COL5A2: variants seen among roughly 807,000 people sequenced by gnomAD.
COL5A2 encodes the protein collagen type V alpha 2 chain.
Under a neutral mutation model 208.2 loss-of-function variants are expected in COL5A2, and 23 were observed. The ratio of observed to expected loss-of-function variants is 0.11; its 90% confidence interval spans 0.08 to 0.16. COL5A2 has a LOEUF of 0.16. Among genes scored for constraint, COL5A2 ranks in the 10% least tolerant of loss-of-function variants. The pLI, the probability that COL5A2 is intolerant of heterozygous loss-of-function variation, is 1.00. For synonymous variants in COL5A2, 625 were observed against 628.5 expected, an observed-to-expected ratio of 0.99 and a Z score of 0.08; for missense variants, 1,590 against 1,956.4, an observed-to-expected ratio of 0.81 and a Z score of 3.53.
chr2:189,036,126 T>C (rs1024639362), intron 52 of COL5A2, among the ~76,000 whole-genome samples: 1 of 152,148 alleles, frequency 6.6e-6, no homozygotes, highest in Non-Finnish European at 1.5e-5. Flanking sequence ...AAGAATTTTA[T>C]ATCCACATGG....
At chr2:189,358,305 G>T in the COL5A2 span, among the ~76,000 whole-genome samples, 5,536 of 152,154 alleles carry the variant, frequency 0.036, 116 homozygotes, top group Admixed American at 0.05. Context: ...AACTCTGATG[G>T]AGATGTAAAA....
At chr2:189,430,793 A>C in the COL5A2 span, among the ~76,000 whole-genome samples, 1 of 151,870 alleles carries the variant, frequency 6.6e-6, no homozygotes, top group Non-Finnish European at 1.5e-5. Context: ...CAACTTCTGC[A>C]ATCTGGCAGC....
the COL5A2 span, among the ~76,000 whole-genome samples, chr2:189,434,308 T>C: frequency 1.3e-5 from 2 of 152,148 alleles, no homozygotes; most frequent in Non-Finnish European, 2.9e-5. Flanking sequence ...CTATTCAACA[T>C]AGTGTTGGAA....
the COL5A2 span, among the ~76,000 whole-genome samples, chr2:189,368,705 G>T: frequency 6.6e-6 from 1 of 152,106 alleles, no homozygotes; most frequent in Admixed American, 6.6e-5. Context: ...CAACATAAAT[G>T]GTGAAAGGAA....
rs58380313 is a variant in COL5A2, at chr2:189,054,690, CTTT to C, written c.2392-481_2392-479del. 8.4e-4 allele frequency among the ~76,000 whole-genome samples: 95 copies of C among 113,562 alleles called. 1 individual carries two copies. Among genetic ancestry groups the C allele is most frequent in the East Asian group, 5.1e-4 (2 of 3,910 alleles). The allele number at this position is 113,562 out of a possible 152,430, so 74.5% of individuals were successfully genotyped here. A position where few individuals can be genotyped will look rare whatever the true frequency, so the allele number is the denominator to read the frequency against. The stretch of plus-strand genomic sequence containing the variant: ...GTTAAGGCATTTTAGGTGTTTTTTC[CTTT>C]TTTTTTTTTTTTTTTTTTGGCACAG... On this transcript the variant is annotated intron_variant, in intron 35 of 53. Coordinates refer to ENST00000374866, the MANE Select transcript of COL5A2 (RefSeq NM_000393.5).
At chr2:189,064,733 T>C (rs747410301) in intron 24 of COL5A2, 78 bp from the exon 25 acceptor site, 19 of 1,105,720 alleles carry the variant, frequency 1.7e-5, no homozygotes, top group Non-Finnish European at 2.4e-5. Context: ...ATTATCGTTT[T>C]ACAAATCAAG....
chr2:189,292,003 C>T, the COL5A2 span, among the ~76,000 whole-genome samples: 1 of 151,880 alleles, frequency 6.6e-6, no homozygotes, highest in African/African-American at 2.4e-5. Flanking sequence ...TAATTAACAC[C>T]CCAGAAGGAA....
At chr2:189,400,344 T>C in the COL5A2 span, among the ~76,000 whole-genome samples, 5 of 152,226 alleles carry the variant, frequency 3.3e-5, no homozygotes, top group Non-Finnish European at 7.3e-5. Context: ...ATATTTCTTA[T>C]ATTCTTTTCT....
the COL5A2 span, among the ~76,000 whole-genome samples, chr2:189,373,983 T>A: frequency 6.6e-6 from 1 of 152,296 alleles, no homozygotes; most frequent in African/African-American, 2.4e-5. Flanking sequence ...TGACTGTTGC[T>A]GTGAAAACAC....
chr2:189,252,504 C>T, the COL5A2 span, among the ~76,000 whole-genome samples: 5 of 151,988 alleles, frequency 3.3e-5, no homozygotes, highest in Non-Finnish European at 7.4e-5. Context: ...AGCAAACTAT[C>T]GCAAGGACAA....
At chr2:189,156,436 T>C (rs570794253) in intron 1 of COL5A2, among the ~76,000 whole-genome samples, 89 of 152,316 alleles carry the variant, frequency 5.8e-4, no homozygotes, top group Non-Finnish European at 1.0e-3. Context: ...CAAACTCATA[T>C]ATAAAATCAT....
At chr2:189,428,934 G>C in the COL5A2 span, among the ~76,000 whole-genome samples, 1 of 152,190 alleles carries the variant, frequency 6.6e-6, no homozygotes, top group African/African-American at 2.4e-5. Flanking sequence ...GTAGAATGGT[G>C]GTTACCAGAG....
At chr2:189,356,006 T>C in the COL5A2 span, among the ~76,000 whole-genome samples, 1 of 152,144 alleles carries the variant, frequency 6.6e-6, no homozygotes, top group Non-Finnish European at 1.5e-5. Context: ...TGCTTGTGGG[T>C]AAGGGATTTT....
At chr2:189,205,137 T>C (rs535719854) in intron 1 of COL5A2, among the ~76,000 whole-genome samples, 4 of 152,194 alleles carry the variant, frequency 2.6e-5, no homozygotes, top group Admixed American at 6.5e-5. Context: ...AAGTATAATT[T>C]CTTCACACAA....
the COL5A2 span, among the ~76,000 whole-genome samples, chr2:189,350,727 G>C: frequency 6.6e-6 from 1 of 152,160 alleles, no homozygotes; most frequent in Admixed American, 6.6e-5. Flanking sequence ...GCACTTTACA[G>C]CATGTTCCCA....
intron 47 of COL5A2, among the ~76,000 whole-genome samples, chr2:189,044,001 G>T (rs1410783084): frequency 6.6e-6 from 1 of 152,154 alleles, no homozygotes; most frequent in East Asian, 1.9e-4. Context: ...TATTGTTGGT[G>T]GTGGTGTTGG....
At chr2:189,178,519 T>C (rs757560028) in intron 1 of COL5A2, among the ~76,000 whole-genome samples, 3 of 151,974 alleles carry the variant, frequency 2.0e-5, no homozygotes, top group Non-Finnish European at 4.4e-5. Flanking sequence ...GTGGCTTATT[T>C]TAAAGGAGTA....
At chr2:189,372,643 G>T in the COL5A2 span, among the ~76,000 whole-genome samples, 1 of 152,058 alleles carries the variant, frequency 6.6e-6, no homozygotes, top group Non-Finnish European at 1.5e-5. Context: ...TGGACTAGCA[G>T]GAGGATTTTT....
At chr2:189,151,532 C>G (rs1321841025) in intron 1 of COL5A2, among the ~76,000 whole-genome samples, 1 of 152,090 alleles carries the variant, frequency 6.6e-6, no homozygotes, top group South Asian at 2.1e-4. Context: ...AGATAACTGG[C>G]AAATCAAATA....
Sources: allele counts gnomAD v4.1 joint callset (sites outside exome capture counted in the v4.1 genomes callset), GRCh38; gene constraint gnomAD v4.1.1; transcripts MANE v1.5; gene names NCBI Gene and HGNC (gene_info 2026-07-23, HGNC 2026-07-21).